The following SLC7A10 variants were observed in gnomAD, a reference collection of about 807,000 sequenced individuals.
The protein encoded by SLC7A10 is solute carrier family 7 member 10.
SLC7A10 carries 30 observed loss-of-function variants against 52.7 expected under a neutral mutation model. That is an observed-to-expected ratio of 0.57 (90% confidence interval 0.43 to 0.77). The LOEUF is 0.77. Among genes scored for constraint, SLC7A10 ranks in the 30% least tolerant of loss-of-function variants. SLC7A10 has a pLI of 0.00. For synonymous variants in SLC7A10, 318 were observed against 314.9 expected (o/e 1.01, Z -0.10); for missense variants, 581 against 698.5 (o/e 0.83, Z 1.90).
Position 33,210,931 on chromosome 19 carries a change from C to T in SLC7A10, c.1017-33G>A, listed in dbSNP as rs984893968. ...TGGGGACAGATATGGGCACTGGCCA[C>T]ATCCTGGGTCTCAGCTTTGGACCTG... is the stretch of plus-strand genomic sequence containing the variant. On this transcript the variant is annotated intron_variant, in intron 7 of 10. Coordinates refer to ENST00000253188, the MANE Select transcript of SLC7A10 (RefSeq NM_019849.3). The surrounding 1 kb of genome is among the most constrained non-coding windows in gnomAD (Gnocchi z 5.6). The T allele has an allele frequency of 1.9e-6, 3 of 1,594,644 alleles. No homozygotes were observed. The highest frequency in any genetic ancestry group is 8.6e-7 in the Non-Finnish European group (1 of 1,163,546).
chr19:33,211,954 A>G (rs548161166), intron 5 of SLC7A10: 21 of 488,266 alleles, frequency 4.3e-5, no homozygotes, highest in African/African-American at 3.9e-4. Flanking sequence ...CGAGCATCAG[A>G]CGCAGTCATT....
Position 33,210,672 on chromosome 19 carries a change from G to A in SLC7A10, c.1114-56C>T, listed in dbSNP as rs1974525519. On this transcript the variant is annotated intron_variant, in intron 8 of 10. Transcript: ENST00000253188. The surrounding 1 kb of genome is among the most constrained non-coding windows in gnomAD (Gnocchi z 5.6). ...CCCTAGCCTGCCTCCTGACGCCCCT[G>A]CAGGATGAGCCCTGGCCCCACCCCC... 3.1e-6 allele frequency: 5 copies of A among 1,609,058 alleles called. No homozygotes were observed. The highest frequency in any genetic ancestry group is 1.7e-5 in the Admixed American group (1 of 59,938).
chr19:33,214,822 C>T (rs1974633560), intron 2 of SLC7A10, among the ~76,000 whole-genome samples: 2 of 152,248 alleles, frequency 1.3e-5, no homozygotes, highest in Non-Finnish European at 2.9e-5. Flanking sequence ...AGGCCTTAAT[C>T]CCATTTAAGG....
intron 1 of SLC7A10, among the ~76,000 whole-genome samples, chr19:33,223,670 T>A (rs2145496072): frequency 6.6e-6 from 1 of 152,200 alleles, no homozygotes; most frequent in South Asian, 2.1e-4. Context: ...CAGGCCAAGA[T>A]CAAGGCTCCC....
intron 1 of SLC7A10, among the ~76,000 whole-genome samples, chr19:33,217,415 G>A (rs1035320870): frequency 1.8e-4 from 27 of 152,202 alleles, no homozygotes; most frequent in African/African-American, 5.3e-4. Context: ...TGAGCCCTGA[G>A]CTCCGCAAAG....
At chr19:33,221,451 G>T (rs1320801305) in intron 1 of SLC7A10, among the ~76,000 whole-genome samples, 5 of 152,202 alleles carry the variant, frequency 3.3e-5, no homozygotes. Flanking sequence ...CGAAATTATA[G>T]TTGGGGCTTC....
rs761114897 is a variant in SLC7A10, at chr19:33,225,606, C to A, written c.98G>T (p.Arg33Leu). Residue 33 changes from arginine to leucine, a missense_variant, in exon 1 of 11, where the codon CGG (arginine) becomes CTG (leucine). Physicochemically the swap from Arg to Leu is moderately radical, Grantham distance 102. Transcript: ENST00000253188. ...CCCGATCTCCTTCTTGAGCGCCACC[C>A]GCTCCGAGGCGCCGGGGACGGTCCC... ...VPGTVPGASE[R>L]VALKKEIGLL... The A allele has an allele frequency of 1.3e-6, 2 of 1,594,562 alleles. No homozygotes were observed. Among genetic ancestry groups the A allele is most frequent in the Non-Finnish European group, 1.7e-6 (2 of 1,178,716 alleles).
chr19:33,219,542 G>T (rs2145489214), intron 1 of SLC7A10, among the ~76,000 whole-genome samples: 1 of 152,318 alleles, frequency 6.6e-6, no homozygotes, highest in East Asian at 1.9e-4. Flanking sequence ...GCACATTCTG[G>T]ACCCGACTGT....
intron 1 of SLC7A10, among the ~76,000 whole-genome samples, chr19:33,222,840 C>A (rs1599960357): frequency 6.6e-6 from 1 of 152,166 alleles, no homozygotes; most frequent in African/African-American, 2.4e-5. Context: ...AGTCTCACGC[C>A]AGCCCATAGC....
chr19:33,210,479 G>A lies in SLC7A10; in HGVS notation c.1251C>T (p.His417=), dbSNP rs1479059285. 9 of 1,597,880 alleles carry A rather than the reference G, an allele frequency of 5.6e-6. No homozygotes were observed. The highest frequency in any genetic ancestry group is 6.8e-6 in the Non-Finnish European group (8 of 1,176,508). The change falls in exon 9 of 11, where the codon CAC becomes CAT. Residue 417 remains histidine, a synonymous_variant. Transcript: ENST00000253188. This position sits in a 1 kb window ranked among gnomAD's most constrained non-coding sequence, Gnocchi z 5.6. Reference sequence around the variant, plus strand: ...CCCAGGGCCTCACCTTGATGGGCCTGTGGAGTGCAGGCCGCCTCCAGCGCA... The same window carrying A: ...CCCAGGGCCTCACCTTGATGGGCCTATGGAGTGCAGGCCGCCTCCAGCGCA... ...LLLRWRRPAL[H]RPIKVNLLIP...
chr19:33,216,066 C>T, intron 1 of SLC7A10, 93 bp from the exon 2 acceptor site: 2 of 1,210,768 alleles, frequency 1.7e-6, no homozygotes, highest in Non-Finnish European at 2.3e-6. Context: ...AGGAGGAAGA[C>T]AGCCCGGGGT....
chr19:33,214,935 C>T (rs1974636044), intron 2 of SLC7A10, among the ~76,000 whole-genome samples: 1 of 152,124 alleles, frequency 6.6e-6, no homozygotes, highest in Admixed American at 6.6e-5. Flanking sequence ...AGCAAATATT[C>T]CCTGGTGAAC....
chr19:33,218,484 AATCGC>A (rs1259171530), intron 1 of SLC7A10, among the ~76,000 whole-genome samples: 2 of 151,710 alleles, frequency 1.3e-5, no homozygotes, highest in East Asian at 2.0e-4. Context: ...GGTGGCAGAA[AATCGC>A]ATCACGCACT....
chr19:33,215,631 CCCCCCACACCTTCTCTCCATCCA>C (rs1172692281), intron 2 of SLC7A10, 115 bp downstream of exon 2: 158 of 446,942 alleles, frequency 3.5e-4, no homozygotes, highest in Non-Finnish European at 4.8e-4. Flanking sequence ...TCTCCATCCA[CCCCCCACACCTTCTCTCCATCCA>C]CCCCCACGAC....
rs763947772 is a variant in SLC7A10 at position 33,211,249 on chromosome 19, T to C, written c.992A>G (p.Asn331Ser). 5.0e-6 allele frequency: 8 copies of C among 1,613,866 alleles called. No individual in the cohort carries two copies. The highest frequency in any genetic ancestry group is 1.1e-5 in the South Asian group (1 of 91,070). The part of the protein sequence containing the change: ...SVALSTFGGI[N>S]GYLFTYSRLC... Reference sequence around the variant, plus strand: ...CCTGGAGTAGGTGAACAGGTAACCATTGATCCCTCCGAAGGTTGACAGAGC... The same window carrying C: ...CCTGGAGTAGGTGAACAGGTAACCACTGATCCCTCCGAAGGTTGACAGAGC... Residue 331 changes from asparagine (N) to serine (S), a missense_variant, in exon 7 of 11, where the codon AAT becomes AGT. By Grantham distance (46) the Asn-to-Ser change is conservative. Coordinates refer to ENST00000253188, the MANE Select transcript of SLC7A10 (RefSeq NM_019849.3).
At chr19:33,218,268 C>T (rs35775570) in intron 1 of SLC7A10, among the ~76,000 whole-genome samples, 2,136 of 152,246 alleles carry the variant, frequency 0.014, 33 homozygotes, top group South Asian at 0.061. Context: ...AGCCTTGTGC[C>T]CAGTGGCTGA....
chr19:33,213,690 C>T (rs552462760), intron 2 of SLC7A10, among the ~76,000 whole-genome samples: 4 of 152,236 alleles, frequency 2.6e-5, no homozygotes, highest in Non-Finnish European at 5.9e-5. Context: ...CCCTGGCTCT[C>T]GCAGAGTACT....
chr19:33,222,762 C>G (rs1974839127), intron 1 of SLC7A10, among the ~76,000 whole-genome samples: 1 of 152,212 alleles, frequency 6.6e-6, no homozygotes, highest in African/African-American at 2.4e-5. Context: ...TTTCCTCCAG[C>G]CTGGCCGATT....
chr19:33,209,102 A>C (rs1187104702), intron 10 of SLC7A10, 81 bp from the exon 11 acceptor site: 2 of 1,596,362 alleles, frequency 1.3e-6, no homozygotes, highest in Non-Finnish European at 1.7e-6. Flanking sequence ...CCCCTTGGGC[A>C]GGGGTCTTCA....
Sources: allele counts gnomAD v4.1 joint callset (sites outside exome capture counted in the v4.1 genomes callset), GRCh38; gene constraint gnomAD v4.1.1; non-coding constraint Gnocchi (gnomAD v3.1); transcripts MANE v1.5; gene names NCBI Gene and HGNC (gene_info 2026-07-23, HGNC 2026-07-21).